The following MCCC2 variants were observed in gnomAD, a reference collection of about 807,000 sequenced individuals.
MCCC2 encodes methylcrotonoyl-CoA carboxylase beta chain, mitochondrial.
A neutral mutation model predicts 77.2 loss-of-function variants in MCCC2; 52 were observed. The observed-to-expected ratio is 0.67, with a 90% CI of 0.54 to 0.85. The LOEUF (loss-of-function observed/expected upper bound fraction) is 0.85, where lower values mean the gene tolerates loss of function less well. MCCC2 is among the 40% of genes least tolerant of loss of function. The pLI is 0.00. For synonymous variants in MCCC2, 253 were observed against 248.4 expected (o/e 1.02, Z -0.18); for missense variants, 682 against 703.2 (o/e 0.97, Z 0.34).
chr5:71,646,252 T>C lies in MCCC2; in HGVS notation c.1191T>C (p.Pro397=). Residue 397 remains proline (P), a synonymous_variant, in exon 13 of 17, where the codon CCT becomes CCC. Transcript: ENST00000340941. ...AGTTATGCTGCCAAAGAAATATTCC[T>C]CTGCTGTTCCTTCAAAACATTACTG... ...FVQLCCQRNI[P]LLFLQNITGF... is the part of the protein sequence containing the mutation. The C allele has an allele frequency of 6.2e-7, 1 of 1,613,910 alleles. No homozygotes were observed. The highest frequency in any genetic ancestry group is 8.5e-7 in the Non-Finnish European group (1 of 1,179,876).
Position 71,587,450 on chromosome 5 carries a change from C to T in MCCC2, c.25C>T (p.Leu9=), listed in dbSNP as rs1285116638. The T allele has an allele frequency of 7.8e-6, 12 of 1,535,212 alleles. 1 individual carries two copies. In the South Asian group the frequency reaches 1.3e-4, roughly 17 times the overall value. Residue 9 remains leucine, a synonymous_variant, in exon 1 of 17, where the codon CTG becomes TTG. Transcript: ENST00000340941. MWAVLRLA[L]RPCARASPAG... ...CATGTGGGCCGTCCTGAGGTTAGCC[C>T]TGCGGCCGTGTGCCCGCGCCTCTCC...
intron 3 of MCCC2, among the ~76,000 whole-genome samples, chr5:71,597,823 A>C (rs544068629): frequency 1.3e-5 from 2 of 152,318 alleles, no homozygotes; most frequent in South Asian, 4.1e-4. Context: ...GCTGTTTTGT[A>C]GCCAGCTCTC....
chr5:71,628,745 T>A (rs2112417894), intron 7 of MCCC2, among the ~76,000 whole-genome samples: 1 of 152,298 alleles, frequency 6.6e-6, no homozygotes, highest in East Asian at 1.9e-4. Flanking sequence ...TAATAAGCTG[T>A]TAAGAGAAAG....
chr5:71,595,428 C>A (rs1424849923), intron 2 of MCCC2, among the ~76,000 whole-genome samples: 1,059 of 114,956 alleles, frequency 9.2e-3, no homozygotes, highest in African/African-American at 9.7e-3. Flanking sequence ...GATCTTGTCT[C>A]AAAAAAAAAA....
At chr5:71,650,013 G>T (rs965422590) in intron 14 of MCCC2, 56 bp from the exon 15 acceptor site, 3 of 1,395,386 alleles carry the variant, frequency 2.1e-6, no homozygotes, top group African/African-American at 2.8e-5. Flanking sequence ...ATGGGCCTCT[G>T]AAAATCTATG....
intron 16 of MCCC2, among the ~76,000 whole-genome samples, chr5:71,655,579 C>G (rs1747556239): frequency 6.6e-6 from 1 of 152,080 alleles, no homozygotes; most frequent in Non-Finnish European, 1.5e-5. Context: ...ACAAGAGTGG[C>G]TTTCTTTTTA....
At chr5:71,601,006 G>T (rs569128641) in intron 4 of MCCC2, among the ~76,000 whole-genome samples, 1 of 152,328 alleles carries the variant, frequency 6.6e-6, no homozygotes, top group East Asian at 1.9e-4. Context: ...TGGTCCCTGT[G>T]CCCCCCTTTA....
rs115123024 is a variant in MCCC2, at chr5:71,614,922, C to G, written c.624+10454C>G. On this transcript the variant is annotated intron_variant, in intron 6 of 16. Transcript: ENST00000340941. ...TGATGCCAAAAGATAAAGACCTTTT[C>G]TAGCTTCTGCTGTTTTTGAAGCTTT... Among the ~76,000 whole-genome samples the G allele has an allele frequency of 7.5e-3, 1,149 of 152,318 alleles. 23 individuals are homozygous for G. Among genetic ancestry groups the G allele is most frequent in the Middle Eastern group, 0.017 (5 of 294 alleles).
At chr5:71,635,781 A>G (rs1026399561) in intron 10 of MCCC2, 1 of 182,358 alleles carries the variant, frequency 5.5e-6, no homozygotes, top group South Asian at 1.1e-4. Flanking sequence ...TATTTTGTTC[A>G]GTATCCATAG....
intron 6 of MCCC2, among the ~76,000 whole-genome samples, chr5:71,609,215 T>C (rs1745815897): frequency 6.6e-6 from 1 of 150,996 alleles, no homozygotes; most frequent in Non-Finnish European, 1.5e-5. Flanking sequence ...CAATCAGACG[T>C]AGATTTGGTC....
chr5:71,607,531 C>A (rs1745734095), intron 6 of MCCC2, among the ~76,000 whole-genome samples: 2 of 146,192 alleles, frequency 1.4e-5, no homozygotes, highest in South Asian at 4.6e-4. Flanking sequence ...AAACCAGCTC[C>A]TGGATTCATT....
At chr5:71,651,731 G>A (rs1023919272) in intron 15 of MCCC2, among the ~76,000 whole-genome samples, 1 of 152,166 alleles carries the variant, frequency 6.6e-6, no homozygotes, top group Non-Finnish European at 1.5e-5. Flanking sequence ...AGTATCAAAG[G>A]AAACAGATAG....
intron 6 of MCCC2, among the ~76,000 whole-genome samples, chr5:71,624,781 G>A (rs1211695357): frequency 2.1e-5 from 3 of 145,320 alleles, no homozygotes; most frequent in African/African-American, 7.7e-5. Flanking sequence ...GGCAACCTCC[G>A]CCTCCCAGGT....
intron 8 of MCCC2, among the ~76,000 whole-genome samples, chr5:71,633,137 A>ATATATT (rs1746800422): frequency 1.0e-4 from 7 of 68,112 alleles, no homozygotes; most frequent in African/African-American, 3.0e-4. Flanking sequence ...ATATATTTTT[A>ATATATT]TTTTTTGTAG....
At chr5:71,615,493 G>C (rs1404825009) in intron 6 of MCCC2, among the ~76,000 whole-genome samples, 1 of 152,018 alleles carries the variant, frequency 6.6e-6, no homozygotes, top group East Asian at 1.9e-4. Context: ...CTCATTACCT[G>C]TCATCTCCCT....
intron 6 of MCCC2, among the ~76,000 whole-genome samples, chr5:71,617,736 T>G (rs1339670863): frequency 6.6e-6 from 1 of 152,174 alleles, no homozygotes; most frequent in South Asian, 2.1e-4. Flanking sequence ...AATTTAGTTG[T>G]TTTTCTCTCC....
chr5:71,643,764 A>G, intron 11 of MCCC2, 55 bp from the exon 12 acceptor site: 1 of 1,613,828 alleles, frequency 6.2e-7, no homozygotes, highest in South Asian at 1.1e-5. Flanking sequence ...TTTCTTGTGA[A>G]TTGAAGCCCT....
At chr5:71,595,212 A>G (rs1745135363) in intron 2 of MCCC2, among the ~76,000 whole-genome samples, 1 of 151,992 alleles carries the variant, frequency 6.6e-6, no homozygotes, top group Non-Finnish European at 1.5e-5. Flanking sequence ...AGGTCAAGGC[A>G]GGAGAATTGC....
intron 7 of MCCC2, among the ~76,000 whole-genome samples, chr5:71,630,397 GACTTCTATCATCTTTGCACCTATC>G (rs1277427115): frequency 2.6e-5 from 4 of 151,562 alleles, no homozygotes; most frequent in Admixed American, 6.6e-5. Flanking sequence ...TTTTCTCTTT[GACTTCTATCATCTTTGCACCTATC>G]ACACTATCAA....
Sources: allele counts gnomAD v4.1 joint callset (sites outside exome capture counted in the v4.1 genomes callset), GRCh38; gene constraint gnomAD v4.1.1; transcripts MANE v1.5; gene names NCBI Gene and HGNC (gene_info 2026-07-23, HGNC 2026-07-21).